Variants in DOC2B observed in about 807,000 individuals in gnomAD.
The protein encoded by DOC2B is double C2-like domain-containing protein beta.
A neutral mutation model predicts 28.9 loss-of-function variants in DOC2B; 21 were observed. The ratio of observed to expected loss-of-function variants is 0.73; its 90% CI spans 0.52 to 1.05. The LOEUF (loss-of-function observed/expected upper bound fraction) is 1.05. Among genes scored for constraint, DOC2B ranks in the 50% least tolerant of loss-of-function variants. The pLI, the probability that DOC2B is intolerant of heterozygous loss-of-function variation, is 0.00. For missense variants in DOC2B, 384 were observed against 421.1 expected, an observed-to-expected ratio of 0.91 and a Z score of 0.77; for synonymous variants, 194 against 178.1, an observed-to-expected ratio of 1.09 and a Z score of -0.71.
rs1344398950 is a variant in DOC2B, at chr17:146,440, G to A, written c.*1001C>T. 4 of 152,152 alleles carry A rather than the reference G, an allele frequency of 2.6e-5. No homozygotes were observed. Among genetic ancestry groups the A allele is most frequent in the Non-Finnish European group, 5.9e-5 (4 of 68,058 alleles). The allele number at this position is 152,152 out of a possible 1,614,324, so 9.4% of individuals were successfully genotyped here. A position where few individuals can be genotyped will look rare whatever the true frequency, so the allele number is the denominator to read the frequency against. On this transcript the variant is annotated 3_prime_UTR_variant, in exon 9 of 9. Transcript: ENST00000613549. ...CTCAGGAGTAGAAAGAGATCAGAGT[G>A]GGAGACTTGGGTCTGAGGTCTGAAC...
chr17:150,742 A>G (rs2040063611), intron 6 of DOC2B, among the ~76,000 whole-genome samples: 1 of 152,236 alleles, frequency 6.6e-6, no homozygotes, highest in African/African-American at 2.4e-5. Context: ...GCAGCTTTCT[A>G]CCATCACCAA....
chr17:155,071 T>C (rs1283686169), intron 6 of DOC2B, among the ~76,000 whole-genome samples: 1 of 152,154 alleles, frequency 6.6e-6, no homozygotes, highest in Non-Finnish European at 1.5e-5. Context: ...GGTCTCAGTA[T>C]GTTGCCAAGG....
chr17:176,160 C>CTGA (rs1245717364), intron 1 of DOC2B, among the ~76,000 whole-genome samples: 1 of 151,948 alleles, frequency 6.6e-6, no homozygotes, highest in African/African-American at 2.4e-5. Context: ...CACTTCCATC[C>CTGA]TGATAGTTTC....
chr17:148,285 G>C lies in DOC2B; in HGVS notation c.1006-16C>G, dbSNP rs2040036603. 1 of 398,610 alleles carries C rather than the reference G, an allele frequency of 2.5e-6. No individual in the cohort carries two copies. The allele number at this position is 398,610 out of a possible 1,614,324, so 24.7% of individuals were successfully genotyped here. On this transcript the variant is annotated splice_polypyrimidine_tract_variant and intron_variant, in intron 7 of 8. Coordinates refer to ENST00000613549, the MANE Select transcript of DOC2B (RefSeq NM_003585.5). ...AACAGAACTCCTGCTGGCAAGAAGG[G>C]AGTGTTAGGGCTGATGCCTGGGCCT...
Position 172,554 on chromosome 17 carries a change from T to C in DOC2B, c.436A>G (p.Thr146Ala), listed in dbSNP as rs972023376. ...GGGCCTACCTTGGCCTTGGTGATGGTGCAGTGGAGGGCGTTGTTCTCCTGG... is the reference window on the plus strand; with the variant it reads ...GGGCCTACCTTGGCCTTGGTGATGGCGCAGTGGAGGGCGTTGTTCTCCTGG... Reference protein sequence around the residue: ...YDQENNALHCTITKAKGLKPM... With the variant: ...YDQENNALHCAITKAKGLKPM... The change falls in exon 2 of 9, where the codon ACC (threonine) becomes GCC (alanine). Residue 146 changes from threonine (T) to alanine (A), a missense_variant. Thr to Ala is a moderately conservative substitution (Grantham distance 58). Transcript: ENST00000613549. 1.4e-5 allele frequency: 21 copies of C among 1,551,162 alleles called. No homozygotes were observed. In the Admixed American group the frequency reaches 2.7e-4, roughly 20 times the overall value.
rs1379038012 is a variant in DOC2B, at chr17:142,956, G to T, written c.*4485C>A. 3 of 152,186 alleles carry T rather than the reference G, an allele frequency of 2.0e-5. No homozygotes were observed. Among genetic ancestry groups the T allele is most frequent in the Non-Finnish European group, 4.4e-5 (3 of 68,042 alleles). 9.4% of individuals were successfully genotyped at this position (152,186 alleles called of 1,614,324 possible). ...AATACACTAATCTGTGGTTAGGAAG[G>T]TTTATTTTTTTCCCTCCAAACCTAA... On this transcript the variant is annotated 3_prime_UTR_variant, in exon 9 of 9. Transcript: ENST00000613549.
rs1050313339 is a variant in DOC2B at position 147,431 on chromosome 17, C to G, written c.*10G>C. 1 of 398,816 alleles carries G rather than the reference C, an allele frequency of 2.5e-6. No homozygotes were observed. The highest frequency in any genetic ancestry group is 4.4e-6 in the Non-Finnish European group (1 of 226,210). 24.7% of individuals were successfully genotyped at this position (398,816 alleles called of 1,614,324 possible). ...CAGGTGGCGGCAGGGGTAGCAGTGG[C>G]GGGTGGGCGTCAGTCGCTGAGCACA... On this transcript the variant is annotated 3_prime_UTR_variant, in exon 9 of 9. Coordinates refer to ENST00000613549, the MANE Select transcript of DOC2B (RefSeq NM_003585.5).
At chr17:158,267 C>T (rs917211009) in intron 5 of DOC2B, among the ~76,000 whole-genome samples, 1 of 152,100 alleles carries the variant, frequency 6.6e-6, no homozygotes, top group Non-Finnish European at 1.5e-5. Flanking sequence ...GCCCTCAGCC[C>T]CCCCAGACAA....
chr17:164,249 T>C (rs928349473), intron 2 of DOC2B, 45 bp from the exon 3 acceptor site: 3 of 1,444,900 alleles, frequency 2.1e-6, no homozygotes, highest in Admixed American at 3.9e-5. Context: ...ATCGGGGACA[T>C]GGAACTGACA....
chr17:161,458 T>C lies in DOC2B; in HGVS notation c.722A>G (p.Asn241Ser), dbSNP rs1025639823. 5.8e-6 allele frequency: 9 copies of C among 1,551,470 alleles called. No homozygotes were observed. In the East Asian group the frequency reaches 7.3e-5, roughly 13 times the overall value. ...GCAGATGCTGAAGGTCTTGGTGTGGTTGGGTTTCAGCTTCTTCAGGGGCAC... is the reference window on the plus strand; with the variant it reads ...GCAGATGCTGAAGGTCTTGGTGTGGCTGGGTTTCAGCTTCTTCAGGGGCAC... ...TRVPLKKLKP[N>S]HTKTFSICLE... The change falls in exon 5 of 9, where the codon AAC (asparagine) becomes AGC (serine). Residue 241 changes from asparagine (N) to serine (S), a missense_variant. Physicochemically the swap from Asn to Ser is conservative, Grantham distance 46 (BLOSUM62 1). Coordinates refer to ENST00000613549, the MANE Select transcript of DOC2B (RefSeq NM_003585.5).
chr17:164,184 G>T lies in DOC2B; in HGVS notation c.474C>A (p.His158Gln). Residue 158 changes from histidine (H) to glutamine (Q), a missense_variant, in exon 3 of 9, where the codon CAC (histidine) becomes CAA (glutamine). By Grantham distance (24) the His-to-Gln change is conservative. Coordinates refer to ENST00000613549, the MANE Select transcript of DOC2B (RefSeq NM_003585.5). ...TGACGTAGGGGTCTGCCAGCCCATT[G>T]TGGTCCATTGGCTTCAGGCCCTGGG... is the stretch of plus-strand genomic sequence containing the variant. Reference protein sequence around the residue: ...TKAKGLKPMDHNGLADPYVKL... With the variant: ...TKAKGLKPMDQNGLADPYVKL... The T allele has an allele frequency of 6.4e-7, 1 of 1,553,796 alleles. No homozygotes were observed.
chr17:149,133 G>GA lies in DOC2B; in HGVS notation c.982_983insT (p.Thr328IlefsTer7). ...TACCTCATTAAACTCCGGGTTCAGG[G>GA]TTTTTTTCTTCACCGCTGTCTTATG... On this transcript the variant is annotated frameshift_variant, in exon 7 of 9. Coordinates refer to ENST00000613549, the MANE Select transcript of DOC2B (RefSeq NM_003585.5). LOFTEE classifies it high-confidence loss of function. 2.5e-6 allele frequency: 1 copy of GA among 399,636 alleles called. No homozygotes were observed. Among genetic ancestry groups the GA allele is most frequent in the Non-Finnish European group, 4.4e-6 (1 of 226,232 alleles). 24.8% of individuals were successfully genotyped at this position (399,636 alleles called of 1,614,324 possible).
In DOC2B at chr17:164,125, C is replaced by A; in HGVS notation, c.528+5G>T. ...TGGTGGGCAGGCCTGGGTGGAACCC[C>A]TCACCTTACTGGCTCCTGGCAGCAG... On this transcript the variant is annotated splice_donor_5th_base_variant and intron_variant, in intron 3 of 8. Transcript: ENST00000613549. The A allele has an allele frequency of 6.4e-7, 1 of 1,550,730 alleles. No homozygotes were observed. Among genetic ancestry groups the A allele is most frequent in the Non-Finnish European group, 8.7e-7 (1 of 1,145,948 alleles).
At position 144,754 on chromosome 17, in the gene DOC2B, T is replaced by TGG; in HGVS notation, c.*2686_*2687insCC. On this transcript the variant is annotated 3_prime_UTR_variant, in exon 9 of 9. Transcript: ENST00000613549. ...AGCCCCATTTGCACAGCCTGGGCAG[T>TGG]AGAGGGCCCTGGACTGGGGGGCTGG... 1.3e-5 allele frequency: 2 copies of TGG among 152,214 alleles called. 1 individual carries two copies. The allele number at this position is 152,214 out of a possible 1,614,324, so 9.4% of individuals were successfully genotyped here.
In DOC2B at chr17:143,582, A is replaced by C; in HGVS notation, c.*3859T>G. 6.6e-6 allele frequency: 1 copy of C among 152,104 alleles called. No homozygotes were observed. Among genetic ancestry groups the C allele is most frequent in the East Asian group, 1.9e-4 (1 of 5,174 alleles). 9.4% of individuals were successfully genotyped at this position (152,104 alleles called of 1,614,324 possible). On this transcript the variant is annotated 3_prime_UTR_variant, in exon 9 of 9. Transcript: ENST00000613549. ...AGGCTGGTCTCGAACTCCAGGCCTC[A>C]AGCAATTCTCCCACCTCGACCTCCA... is the stretch of plus-strand genomic sequence containing the variant.
At chr17:162,432 G>A (rs1044304733) in intron 3 of DOC2B, among the ~76,000 whole-genome samples, 1 of 152,192 alleles carries the variant, frequency 6.6e-6, no homozygotes, top group Non-Finnish European at 1.5e-5. Flanking sequence ...AGAATGGACA[G>A]AGAAGACAGT....
intron 6 of DOC2B, among the ~76,000 whole-genome samples, chr17:154,402 A>G (rs111486483): frequency 6.7e-6 from 1 of 149,950 alleles, no homozygotes; most frequent in African/African-American, 2.5e-5. Context: ...CTGATATTCC[A>G]CGCACCTGCT....
intron 2 of DOC2B, among the ~76,000 whole-genome samples, chr17:172,118 A>G (rs930813125): frequency 6.6e-5 from 10 of 152,080 alleles, no homozygotes. Flanking sequence ...GGCCTCCTAC[A>G]GTGGCTCGGC....
At chr17:179,402 A>AAAAAAAAAG (rs1417282022) in intron 1 of DOC2B, among the ~76,000 whole-genome samples, 1 of 151,892 alleles carries the variant, frequency 6.6e-6, no homozygotes, top group African/African-American at 2.4e-5. Context: ...AGACAGCAAA[A>AAAAAAAAAG]AAAAGAAAAA....
Sources: gnomAD v4.1 joint callset for allele counts (sites outside exome capture counted in the v4.1 genomes callset) on GRCh38, gnomAD v4.1.1 for gene constraint, MANE v1.5 for transcripts, NCBI Gene and HGNC (gene_info 2026-07-23, HGNC 2026-07-21) for gene names.